FCRL5: variants seen among roughly 807,000 people sequenced by gnomAD.
FCRL5 encodes the protein Fc receptor-like protein 5.
In FCRL5, 79 loss-of-function variants were observed where a neutral mutation model predicts 92.1. That is an observed-to-expected ratio of 0.86 (90% CI 0.72 to 1.03). The LOEUF (loss-of-function observed/expected upper bound fraction) is 1.03. Among genes scored for constraint, FCRL5 ranks in the 50% least tolerant of loss-of-function variants. FCRL5 has a pLI of 0.00. For missense variants in FCRL5, 1,160 were observed against 1,181.1 expected, an observed-to-expected ratio of 0.98 and a Z score of 0.26; for synonymous variants, 466 against 469.3, an observed-to-expected ratio of 0.99 and a Z score of 0.09.
intron 15 of FCRL5, among the ~76,000 whole-genome samples, chr1:157,517,969 T>C (rs559108964): frequency 5.8e-4 from 88 of 152,254 alleles, no homozygotes; most frequent in African/African-American, 2.0e-3. Context: ...AGGAGTCATC[T>C]GTCTGGAAAA....
chr1:157,539,405 C>T, intron 6 of FCRL5, 41 bp from the exon 7 acceptor site: 1 of 1,527,514 alleles, frequency 6.5e-7, no homozygotes. Flanking sequence ...GTTTCTGCCT[C>T]CTGCTGTAGT....
chr1:157,542,711 G>T, intron 6 of FCRL5, 148 bp downstream of exon 6: 14 of 968,770 alleles, frequency 1.4e-5, no homozygotes, highest in Non-Finnish European at 2.2e-5. Context: ...CAGACAGCTG[G>T]TTCAGTGAGC....
chr1:157,525,814 A>T (rs1189904396), intron 9 of FCRL5, among the ~76,000 whole-genome samples: 1 of 152,208 alleles, frequency 6.6e-6, no homozygotes, highest in African/African-American at 2.4e-5. Flanking sequence ...TGTTGAGAAG[A>T]GATGTGTTTC....
At chr1:157,515,995 C>G in intron 15 of FCRL5, 122 bp from the exon 16 acceptor site, 2 of 1,067,300 alleles carry the variant, frequency 1.9e-6, no homozygotes, top group Non-Finnish European at 2.8e-6. Flanking sequence ...CGGTGAGTAG[C>G]CATTCCTCTT....
intron 15 of FCRL5, chr1:157,516,111 T>A: frequency 1.7e-6 from 1 of 602,484 alleles, no homozygotes. Context: ...CACTCTGAGC[T>A]GCCTAGAGGC....
At chr1:157,520,878 A>G in intron 11 of FCRL5, 139 bp downstream of exon 11, 1 of 1,054,744 alleles carries the variant, frequency 9.5e-7, no homozygotes, top group Admixed American at 2.8e-5. Context: ...ACTTCAGGAA[A>G]TATAGCAGTT....
rs1651352605 is a variant in FCRL5 at position 157,543,151 on chromosome 1, A to T, written c.845-14T>A. 2 of 1,607,230 alleles carry T rather than the reference A, an allele frequency of 1.2e-6. No homozygotes were observed. The highest frequency in any genetic ancestry group is 4.5e-5 in the East Asian group (2 of 44,808). On this transcript the variant is annotated splice_polypyrimidine_tract_variant and intron_variant, in intron 5 of 16. Transcript: ENST00000361835. ...GAGATGCAGGGACTGAGCAAGAGAA[A>T]AAATTAGTCAAGAATTGCTTTTGCC...
intron 7 of FCRL5, among the ~76,000 whole-genome samples, chr1:157,535,618 G>A (rs942360991): frequency 6.6e-6 from 1 of 152,074 alleles, no homozygotes; most frequent in Non-Finnish European, 1.5e-5. Context: ...GTTTATGAAT[G>A]TAGTAATGAT....
At chr1:157,530,723 G>A (rs960162945) in intron 8 of FCRL5, among the ~76,000 whole-genome samples, 2 of 152,174 alleles carry the variant, frequency 1.3e-5, no homozygotes, top group Admixed American at 6.5e-5. Flanking sequence ...ATACATTTAA[G>A]CATTTTCCCA....
In FCRL5 at chr1:157,521,235, C is replaced by T. The variant is rs777913458; in HGVS notation, c.2297G>A (p.Gly766Glu). The change falls in exon 11 of 17, where the codon GGG becomes GAG. Residue 766 changes from glycine (G) to glutamate (E), a missense_variant. By Grantham distance (98) the Gly-to-Glu change is moderately conservative. Transcript: ENST00000361835. ...CTCACAGTGAAGCTCCAGCAGGTCC[C>T]CCACCGCAGCATGGGTCCCGGGAGC... ...LRAPGTHAAV[G>E]DLLELHCEAL... The T allele has an allele frequency of 6.2e-7, 1 of 1,614,054 alleles. No individual in the cohort carries two copies.
At chr1:157,540,591 C>T (rs915189554) in intron 6 of FCRL5, among the ~76,000 whole-genome samples, 2 of 151,636 alleles carry the variant, frequency 1.3e-5, no homozygotes, top group African/African-American at 4.8e-5. Context: ...TCCTCACAGT[C>T]GGTTTCTCCG....
chr1:157,551,242 C>T (rs973041811), intron 1 of FCRL5, among the ~76,000 whole-genome samples: 2 of 152,134 alleles, frequency 1.3e-5, no homozygotes, highest in Non-Finnish European at 2.9e-5. Flanking sequence ...TGTTTGACCC[C>T]AGAGCCCATG....
intron 9 of FCRL5, among the ~76,000 whole-genome samples, chr1:157,525,531 G>A (rs1650389875): frequency 6.6e-6 from 1 of 152,130 alleles, no homozygotes; most frequent in Non-Finnish European, 1.5e-5. Context: ...ATCTATGCAG[G>A]GCTGTGAGAT....
intron 15 of FCRL5, 64 bp from the exon 16 acceptor site, chr1:157,515,937 G>T: frequency 6.3e-7 from 1 of 1,586,256 alleles, no homozygotes; most frequent in South Asian, 1.1e-5. Flanking sequence ...TTGTGCCTGC[G>T]CTGTGGGGCC....
At position 157,515,505 on chromosome 1, in the gene FCRL5, AGTCCAGC is replaced by A; in HGVS notation, c.*163_*169del. 1 of 1,422,024 alleles carries A rather than the reference AGTCCAGC, an allele frequency of 7.0e-7. No individual in the cohort carries two copies. Among genetic ancestry groups the A allele is most frequent in the East Asian group, 2.3e-5 (1 of 43,360 alleles). 88.1% of individuals were successfully genotyped at this position (1,422,024 alleles called of 1,614,324 possible). A position where few individuals can be genotyped will look rare whatever the true frequency, so the allele number is the denominator to read the frequency against. On this transcript the variant is annotated 3_prime_UTR_variant, in exon 17 of 17. Coordinates refer to ENST00000361835, the MANE Select transcript of FCRL5 (RefSeq NM_031281.3). ...GGGCTTTAACTGGGAAACAGGTGAC[AGTCCAGC>A]AGGGCCCTGCATTCTGGTCAGACTG...
rs1368998778 is a variant in FCRL5 at position 157,527,705 on chromosome 1, CAGAG to C, written c.1868_1871del (p.Ser623Ter). ...AGTAGTTTCCAGAATGTTCTGCAGT[CAGAG>C]AGAGGTTGAAAGAAGCTTCTCCTCC... On this transcript the variant is annotated frameshift_variant, in exon 9 of 17. Coordinates refer to ENST00000361835, the MANE Select transcript of FCRL5 (RefSeq NM_031281.3). LOFTEE classifies it high-confidence loss of function. 9.3e-6 allele frequency: 15 copies of C among 1,614,074 alleles called. No homozygotes were observed. The highest frequency in any genetic ancestry group is 3.3e-5 in the Admixed American group (2 of 60,014).
At position 157,518,649 on chromosome 1, in the gene FCRL5, T is replaced by C. The variant is rs1650040053; in HGVS notation, c.2743+51A>G. ...CTCCCCATCTCCTGCCCCACCGCTT[T>C]CCCACACCAGCCCTCCAGCTTCTGC... On this transcript the variant is annotated intron_variant, in intron 14 of 16. Coordinates refer to ENST00000361835, the MANE Select transcript of FCRL5 (RefSeq NM_031281.3). The C allele has an allele frequency of 2.6e-6, 4 of 1,560,348 alleles. No individual in the cohort carries two copies. In the African/African-American group the frequency reaches 4.1e-5, roughly 16 times the overall value.
rs1376005720 is a variant in FCRL5 at position 157,524,356 on chromosome 1, T to C, written c.2162A>G (p.His721Arg). 4 of 1,614,242 alleles carry C rather than the reference T, an allele frequency of 2.5e-6. No homozygotes were observed. In the South Asian group the frequency reaches 4.4e-5, roughly 18 times the overall value. Residue 721 changes from histidine to arginine, a missense_variant, in exon 10 of 17, where the codon CAT (histidine) becomes CGT (arginine). Transcript: ENST00000361835. The stretch of plus-strand genomic sequence containing the variant: ...TGCCTCACAGGAGTAGATTCCAGAA[T>C]GTTCTGTAGTCAGAGAGAGGTTGAA... Reference protein sequence around the residue: ...ASFNLSLTTEHSGIYSCEADN... With the variant: ...ASFNLSLTTERSGIYSCEADN...
chr1:157,529,144 AG>A (rs1650572693), intron 8 of FCRL5, among the ~76,000 whole-genome samples: 1 of 152,254 alleles, frequency 6.6e-6, no homozygotes, highest in Non-Finnish European at 1.5e-5. Context: ...AAGTGGGCAA[AG>A]GACATGAATA....
Sources: allele counts gnomAD v4.1 joint callset (sites outside exome capture counted in the v4.1 genomes callset), GRCh38; gene constraint gnomAD v4.1.1; transcripts MANE v1.5; gene names NCBI Gene and HGNC (gene_info 2026-07-23, HGNC 2026-07-21).